ANXA7: variants seen among roughly 807,000 people sequenced by gnomAD.
ANXA7 encodes annexin VII.
In ANXA7, 55 loss-of-function variants were observed where a neutral mutation model predicts 64.9. That is an observed-to-expected ratio of 0.85 (90% CI 0.68 to 1.06). ANXA7 has a LOEUF of 1.06. Among genes scored for constraint, ANXA7 ranks in the 50% least tolerant of loss-of-function variants. The pLI is 0.00. For missense variants in ANXA7, 548 were observed against 582.1 expected, an observed-to-expected ratio of 0.94 and a Z score of 0.60; for synonymous variants, 200 against 192.4, an observed-to-expected ratio of 1.04 and a Z score of -0.33.
intron 1 of ANXA7, among the ~76,000 whole-genome samples, chr10:73,410,539 T>C (rs1339304323): frequency 6.6e-6 from 1 of 152,130 alleles, no homozygotes; most frequent in African/African-American, 2.4e-5. Context: ...ATCCCAGCAC[T>C]TTGGGAGGCC....
intron 1 of ANXA7, among the ~76,000 whole-genome samples, chr10:73,402,630 A>C (rs1366023236): frequency 6.6e-6 from 1 of 152,180 alleles, no homozygotes; most frequent in Non-Finnish European, 1.5e-5. Context: ...GTAATTATGT[A>C]AAACATTCTC....
intron 4 of ANXA7, 37 bp downstream of exon 4, chr10:73,397,127 T>G: frequency 8.3e-7 from 1 of 1,210,296 alleles, no homozygotes; most frequent in Non-Finnish European, 1.1e-6. Context: ...ACTCAAAATA[T>G]CATGATACTG....
intron 5 of ANXA7, among the ~76,000 whole-genome samples, chr10:73,392,355 C>G (rs112715179): frequency 6.6e-6 from 1 of 152,118 alleles, no homozygotes; most frequent in African/African-American, 2.4e-5. Context: ...TTTTATAAGG[C>G]CAACATCATC....
At chr10:73,390,408 T>A (rs2055450374) in intron 5 of ANXA7, among the ~76,000 whole-genome samples, 1 of 152,254 alleles carries the variant, frequency 6.6e-6, no homozygotes, top group Non-Finnish European at 1.5e-5. Context: ...TTAGCATCCA[T>A]CCTCTACTAG....
intron 12 of ANXA7, chr10:73,377,582 A>G (rs1452943346): frequency 6.7e-6 from 1 of 150,132 alleles, no homozygotes; most frequent in African/African-American, 2.5e-5. Context: ...AAAAAAAAAA[A>G]AAAAAAAAAA....
chr10:73,385,454 T>C (rs1450198178), intron 7 of ANXA7, among the ~76,000 whole-genome samples: 2 of 152,180 alleles, frequency 1.3e-5, no homozygotes, highest in African/African-American at 2.4e-5. Flanking sequence ...TAAAGGGCCA[T>C]TTTATAGATT....
At chr10:73,397,342 A>T in intron 3 of ANXA7, 68 bp from the exon 4 acceptor site, 1 of 904,650 alleles carries the variant, frequency 1.1e-6, no homozygotes. Flanking sequence ...CTTTAGAAAA[A>T]TATCTATTGT....
At position 73,387,799 on chromosome 10, in the gene ANXA7, A is replaced by G; in HGVS notation, c.539-16T>C. ...TCATCTGTCCCTGGAAGAACCACAC[A>G]TGTTTAAGTAAGGACAAAGTACATG... On this transcript the variant is annotated splice_polypyrimidine_tract_variant and intron_variant, in intron 6 of 12. Transcript: ENST00000372921. 1.9e-6 allele frequency: 3 copies of G among 1,589,000 alleles called. No individual in the cohort carries two copies. Among genetic ancestry groups the G allele is most frequent in the Non-Finnish European group, 2.6e-6 (3 of 1,159,334 alleles).
At position 73,400,798 on chromosome 10, in the gene ANXA7, C is replaced by A; in HGVS notation, c.54+5G>T. 6.2e-7 allele frequency: 1 copy of A among 1,603,208 alleles called. No homozygotes were observed. The highest frequency in any genetic ancestry group is 2.3e-5 in the East Asian group (1 of 44,144). On this transcript the variant is annotated splice_donor_5th_base_variant and intron_variant, in intron 2 of 12. Coordinates refer to ENST00000372921, the MANE Select transcript of ANXA7 (RefSeq NM_001156.5). ...GGATGTGAGGTATTAAGTGGCAATA[C>A]TTACAGGATATCCAGGGAAAGGTGG...
intron 3 of ANXA7, 104 bp downstream of exon 3, chr10:73,398,077 G>A (rs968857961): frequency 6.0e-6 from 7 of 1,173,296 alleles, no homozygotes; most frequent in South Asian, 3.3e-5. Context: ...ACCTAAGAGC[G>A]ACTTGACCTT....
chr10:73,397,300 C>CA, intron 3 of ANXA7, 26 bp from the exon 4 acceptor site: 1 of 1,465,524 alleles, frequency 6.8e-7, no homozygotes. Context: ...TGTCAATAAA[C>CA]TATAGTACAG....
chr10:73,404,770 G>A (rs2055726043), intron 1 of ANXA7, among the ~76,000 whole-genome samples: 3 of 150,630 alleles, frequency 2.0e-5, no homozygotes, highest in Admixed American at 2.0e-4. Context: ...TAAAGCAAAT[G>A]TAAATAAACA....
intron 4 of ANXA7, 135 bp from the exon 5 acceptor site, chr10:73,396,718 T>A: frequency 1.8e-6 from 1 of 548,946 alleles, no homozygotes; most frequent in Admixed American, 3.7e-5. Context: ...GGATAGTTTT[T>A]AAAAATATAA....
At chr10:73,402,597 T>TA (rs1029410279) in intron 1 of ANXA7, among the ~76,000 whole-genome samples, 1 of 152,218 alleles carries the variant, frequency 6.6e-6, no homozygotes, top group African/African-American at 2.4e-5. Context: ...TTTTAAGGTT[T>TA]AAAAAGTTTT....
chr10:73,389,148 C>A (rs1210868253), intron 5 of ANXA7, among the ~76,000 whole-genome samples: 1 of 152,148 alleles, frequency 6.6e-6, no homozygotes, highest in Non-Finnish European at 1.5e-5. Context: ...ACTGGGGGCA[C>A]AAAATCATTT....
Position 73,396,237 on chromosome 10 carries a change from A to G in ANXA7, c.435+282T>C, listed in dbSNP as rs1049248869. Reference sequence around the variant, plus strand: ...GGTGTAACTGCTGGTAAGGGCAAGGAAGAGGAAAAAGAACTAAAACCAAGA... The same window carrying G: ...GGTGTAACTGCTGGTAAGGGCAAGGGAGAGGAAAAAGAACTAAAACCAAGA... On this transcript the variant is annotated intron_variant, in intron 5 of 12. Coordinates refer to ENST00000372921, the MANE Select transcript of ANXA7 (RefSeq NM_001156.5). 7.5e-6 allele frequency: 5 copies of G among 669,260 alleles called. No homozygotes were observed. The African/African-American group carries it at 9.1e-5, about 12-fold the overall frequency. The allele number at this position is 669,260 out of a possible 1,614,324, so 41.5% of individuals were successfully genotyped here.
chr10:73,376,094 C>T lies in ANXA7; in HGVS notation c.*1G>A. ...TTTCATTAAAAAAAAAAAAATCCCT[C>T]CTACTGGCCCACAATAGCCAGAAGA... On this transcript the variant is annotated 3_prime_UTR_variant, in exon 13 of 13. Coordinates refer to ENST00000372921, the MANE Select transcript of ANXA7 (RefSeq NM_001156.5). 6.4e-7 allele frequency: 1 copy of T among 1,559,776 alleles called. No individual in the cohort carries two copies. The highest frequency in any genetic ancestry group is 8.6e-7 in the Non-Finnish European group (1 of 1,159,634).
At chr10:73,382,037 G>C (rs957447100) in intron 9 of ANXA7, among the ~76,000 whole-genome samples, 2 of 151,980 alleles carry the variant, frequency 1.3e-5, no homozygotes, top group Non-Finnish European at 2.9e-5. Flanking sequence ...ACCACTCCTG[G>C]CTAATTTTTT....
intron 7 of ANXA7, among the ~76,000 whole-genome samples, chr10:73,387,281 G>T (rs1034944632): frequency 1.3e-5 from 2 of 152,144 alleles, no homozygotes; most frequent in Non-Finnish European, 2.9e-5. Context: ...TTGGGAGGCT[G>T]AGGCAGGCGG....
Sources: allele counts gnomAD v4.1 joint callset (sites outside exome capture counted in the v4.1 genomes callset), GRCh38; gene constraint gnomAD v4.1.1; transcripts MANE v1.5; gene names NCBI Gene and HGNC (gene_info 2026-07-23, HGNC 2026-07-21).